FSTL5: variants seen among roughly 807,000 people sequenced by gnomAD.
The protein encoded by FSTL5 is follistatin like 5.
A neutral mutation model predicts 89.1 loss-of-function variants in FSTL5; 62 were observed. That is an observed-to-expected ratio of 0.70 (90% CI 0.57 to 0.86). FSTL5 has a LOEUF of 0.86. FSTL5 is among the 40% of genes least tolerant of loss of function. The probability of loss-of-function intolerance (pLI) is 0.00; values close to 1 mark genes in which losing one functional copy is unlikely to be tolerated. For synonymous variants in FSTL5, 383 were observed against 346.2 expected, an observed-to-expected ratio of 1.11 and a Z score of -1.18; for missense variants, 1,057 against 1,001.6, an observed-to-expected ratio of 1.06 and a Z score of -0.75.
chr4:161,743,726 TA>T (rs1195464315), intron 6 of FSTL5, among the ~76,000 whole-genome samples: 1 of 152,114 alleles, frequency 6.6e-6, no homozygotes, highest in Non-Finnish European at 1.5e-5. Flanking sequence ...TGCTTACAAA[TA>T]AAAAATTGGC....
At chr4:161,494,094 T>C (rs1169762958) in intron 12 of FSTL5, among the ~76,000 whole-genome samples, 1 of 152,180 alleles carries the variant, frequency 6.6e-6, no homozygotes, top group African/African-American at 2.4e-5. Flanking sequence ...ATCTACAGAA[T>C]AATCTTCTAA....
chr4:161,386,090 T>A lies in FSTL5; in HGVS notation c.2201A>T (p.Tyr734Phe), dbSNP rs760499808. 12 of 1,613,906 alleles carry A rather than the reference T, an allele frequency of 7.4e-6. No homozygotes were observed. In the South Asian group the frequency reaches 1.2e-4, roughly 16 times the overall value. Residue 734 changes from tyrosine (Y) to phenylalanine (F), a missense_variant, in exon 16 of 16, where the codon TAC becomes TTC. Tyr to Phe is a conservative substitution (Grantham distance 22, BLOSUM62 3). Coordinates refer to ENST00000306100, the MANE Select transcript of FSTL5 (RefSeq NM_020116.5). ...CAGATCAGATATGTGCAGATTTGTG[T>A]AAATATCAAAAGCCTCCTGTATTTC... ...RGEIQEAFDI[Y>F]TNLHISDLAF...
chr4:161,443,838 G>T (rs1732857973), intron 15 of FSTL5, among the ~76,000 whole-genome samples: 1 of 151,766 alleles, frequency 6.6e-6, no homozygotes, highest in African/African-American at 2.4e-5. Flanking sequence ...GAAAGTATAG[G>T]GGCTACTCAG....
intron 4 of FSTL5, among the ~76,000 whole-genome samples, chr4:161,829,697 CT>C (rs1730783280): frequency 4.6e-5 from 7 of 152,148 alleles, no homozygotes; most frequent in Admixed American, 4.6e-4. Flanking sequence ...TAAAAACCAC[CT>C]TGTTATATAG....
At chr4:162,011,850 C>G (rs572641391) in intron 3 of FSTL5, among the ~76,000 whole-genome samples, 1 of 152,078 alleles carries the variant, frequency 6.6e-6, no homozygotes, top group Non-Finnish European at 1.5e-5. Context: ...CATTTGTTTT[C>G]AAGTGCCACA....
chr4:161,671,729 T>C, intron 6 of FSTL5, among the ~76,000 whole-genome samples: 1 of 152,062 alleles, frequency 6.6e-6, no homozygotes, highest in Admixed American at 6.6e-5. Flanking sequence ...TGACACAGGA[T>C]GAATTTCTAC....
intron 13 of FSTL5, among the ~76,000 whole-genome samples, chr4:161,465,433 T>C (rs1342954438): frequency 6.6e-6 from 1 of 152,124 alleles, no homozygotes; most frequent in Admixed American, 6.6e-5. Flanking sequence ...ACCTATATAA[T>C]GCTCATTTAT....
chr4:161,858,719 T>C (rs1731803301), intron 4 of FSTL5, among the ~76,000 whole-genome samples: 1 of 152,220 alleles, frequency 6.6e-6, no homozygotes, highest in African/African-American at 2.4e-5. Context: ...TACATGACCA[T>C]GTCTTTTACT....
chr4:161,572,472 T>C lies in FSTL5; in HGVS notation c.1015+14983A>G, dbSNP rs1733053667. On this transcript the variant is annotated intron_variant, in intron 8 of 15. Coordinates refer to ENST00000306100, the MANE Select transcript of FSTL5 (RefSeq NM_020116.5). ...CTTGCACACCTTCCTTCACATGTTC[T>C]GGTGTCTTCCAAACAGACACAGAAG... 3.3e-5 allele frequency among the ~76,000 whole-genome samples: 5 copies of C among 152,220 alleles called. No individual in the cohort carries two copies. In the South Asian group the frequency reaches 1.0e-3, roughly 32 times the overall value.
intron 15 of FSTL5, among the ~76,000 whole-genome samples, chr4:161,407,907 C>T (rs34698193): frequency 2.3e-4 from 35 of 152,238 alleles, no homozygotes; most frequent in South Asian, 4.1e-4. Flanking sequence ...AACCCAGTCC[C>T]GAGCAACCAG....
intron 6 of FSTL5, among the ~76,000 whole-genome samples, chr4:161,674,973 G>A (rs1737252771): frequency 1.3e-5 from 2 of 152,056 alleles, no homozygotes; most frequent in Admixed American, 6.6e-5. Flanking sequence ...ATCTGAGATT[G>A]GCTTTATAAT....
chr4:162,040,504 G>T (rs1340099233), intron 2 of FSTL5, among the ~76,000 whole-genome samples: 1 of 151,800 alleles, frequency 6.6e-6, no homozygotes, highest in African/African-American at 2.4e-5. Context: ...CTATTTTGGC[G>T]GTGGCAATTA....
intron 6 of FSTL5, among the ~76,000 whole-genome samples, chr4:161,678,911 G>A (rs537079952): frequency 4.1e-4 from 62 of 151,588 alleles, no homozygotes; most frequent in Non-Finnish European, 7.1e-4. Flanking sequence ...TATACGTAGG[G>A]TCCATTTTTA....
intron 4 of FSTL5, among the ~76,000 whole-genome samples, chr4:161,893,605 C>T (rs2110763052): frequency 6.6e-6 from 1 of 152,192 alleles, no homozygotes; most frequent in East Asian, 1.9e-4. Context: ...GAAAAATGAG[C>T]AGACATACTC....
intron 15 of FSTL5, among the ~76,000 whole-genome samples, chr4:161,392,848 A>G (rs1730865800): frequency 1.3e-5 from 2 of 152,080 alleles, no homozygotes; most frequent in African/African-American, 2.4e-5. Flanking sequence ...AGAGGTAAAA[A>G]CAGAAAAGTA....
At chr4:161,664,203 T>G (rs939454698) in intron 6 of FSTL5, among the ~76,000 whole-genome samples, 6 of 152,228 alleles carry the variant, frequency 3.9e-5, no homozygotes, top group African/African-American at 1.4e-4. Flanking sequence ...TCCCTGCTAC[T>G]TATGCAAATT....
At chr4:161,627,547 C>T (rs892696555) in intron 7 of FSTL5, among the ~76,000 whole-genome samples, 3 of 152,014 alleles carry the variant, frequency 2.0e-5, no homozygotes, top group Admixed American at 6.6e-5. Context: ...TCAAGATCTC[C>T]GAGGCATGCC....
chr4:161,626,460 T>C (rs1001402915), intron 7 of FSTL5, among the ~76,000 whole-genome samples: 2 of 152,166 alleles, frequency 1.3e-5, no homozygotes, highest in African/African-American at 4.8e-5. Flanking sequence ...AAGCCCACTA[T>C]TGAGACATAC....
chr4:162,044,187 C>A (rs1283020338), intron 2 of FSTL5, among the ~76,000 whole-genome samples: 6 of 152,124 alleles, frequency 3.9e-5, no homozygotes, highest in African/African-American at 1.4e-4. Flanking sequence ...AAATATATTT[C>A]TAAAATAATA....
Sources: gnomAD v4.1 joint callset for allele counts (sites outside exome capture counted in the v4.1 genomes callset) on GRCh38, gnomAD v4.1.1 for gene constraint, MANE v1.5 for transcripts, NCBI Gene and HGNC (gene_info 2026-07-23, HGNC 2026-07-21) for gene names.